PAX4: variants seen among roughly 807,000 people sequenced by gnomAD.
PAX4 encodes paired box protein Pax-4.
A neutral mutation model predicts 40.6 loss-of-function variants in PAX4; 33 were observed. The ratio of observed to expected loss-of-function variants is 0.81; its 90% CI spans 0.62 to 1.09. PAX4 has a LOEUF of 1.09. Ranked by LOEUF, PAX4 falls within the 50% of genes least tolerant of loss-of-function variation. The pLI is 0.00. For synonymous variants in PAX4, 174 were observed against 170.6 expected, an observed-to-expected ratio of 1.02 and a Z score of -0.16; for missense variants, 459 against 442.5, an observed-to-expected ratio of 1.04 and a Z score of -0.33.
At chr7:127,614,617 G>A in intron 5 of PAX4, 60 bp from the exon 6 acceptor site, 2 of 1,405,512 alleles carry the variant, frequency 1.4e-6, no homozygotes, top group South Asian at 1.2e-5. Context: ...TATACCCTGA[G>A]GATGTTGCCC....
At chr7:127,615,624 C>A in intron 3 of PAX4, 93 bp from the exon 4 acceptor site, 1 of 1,603,348 alleles carries the variant, frequency 6.2e-7, no homozygotes, top group Non-Finnish European at 8.5e-7. Flanking sequence ...GCCTGGCTTC[C>A]CACCACCGAG....
chr7:127,615,272 A>C (rs555836943), intron 4 of PAX4, 129 bp downstream of exon 4: 1 of 1,601,906 alleles, frequency 6.2e-7, no homozygotes, highest in African/African-American at 1.3e-5. Context: ...CTCCGAGAGG[A>C]TCTCCCAGGA....
chr7:127,611,094 A>T lies in PAX4; in HGVS notation c.1026T>A (p.Pro342=). 6.2e-7 allele frequency: 1 copy of T among 1,607,470 alleles called. No homozygotes were observed. Among genetic ancestry groups the T allele is most frequent in the Non-Finnish European group, 8.5e-7 (1 of 1,176,412 alleles). ...SLSGSQALLW[P]GCPLLYGLE ...CCAAGCCATACAGTAGTGGGCAGCC[A>T]GGCCAGAGCAGGGCCTGAGAGCCAC... The change falls in exon 12 of 12, where the codon CCT becomes CCA. Residue 342 remains proline, a synonymous_variant. Transcript: ENST00000639438.
Position 127,615,007 on chromosome 7 carries a change from C to T in PAX4, c.233G>A (p.Arg78Gln), listed in dbSNP as rs561603997. ...EPKGIGGSKP[R>Q]LATPPVVARI... The stretch of plus-strand genomic sequence containing the variant: ...AGCCACCACAGGGGGTGTAGCCAGC[C>T]GTGGCTTGCTTCCCCCAATGCCCTT... Residue 78 changes from arginine (R) to glutamine (Q), a missense_variant, in exon 5 of 12, where the codon CGG becomes CAG. Arg to Gln is a conservative substitution (Grantham distance 43, BLOSUM62 1). Coordinates refer to ENST00000639438, the MANE Select transcript of PAX4 (RefSeq NM_001366110.1). 3.2e-5 allele frequency: 51 copies of T among 1,614,176 alleles called. No individual in the cohort carries two copies. The highest frequency in any genetic ancestry group is 3.1e-4 in the South Asian group (28 of 91,080).
At chr7:127,612,192 G>C (rs1208968593) in intron 9 of PAX4, among the ~76,000 whole-genome samples, 192 bp from the exon 10 acceptor site, 1 of 152,222 alleles carries the variant, frequency 6.6e-6, no homozygotes, top group Non-Finnish European at 1.5e-5. Context: ...GGAAACTGGA[G>C]AAGAATGATT....
chr7:127,612,966 T>C (rs902045955), intron 9 of PAX4, 56 bp downstream of exon 9: 148 of 1,289,886 alleles, frequency 1.1e-4, no homozygotes, highest in Admixed American at 1.0e-3. Flanking sequence ...GATGGATGGA[T>C]GGATGGATGG....
Position 127,610,937 on chromosome 7 carries a change from A to G in PAX4, c.*127T>C, listed in dbSNP as rs1199230912. The G allele has an allele frequency of 6.5e-7, 1 of 1,549,458 alleles. No individual in the cohort carries two copies. Among genetic ancestry groups the G allele is most frequent in the Non-Finnish European group, 8.7e-7 (1 of 1,147,022 alleles). On this transcript the variant is annotated 3_prime_UTR_variant, in exon 12 of 12. Coordinates refer to ENST00000639438, the MANE Select transcript of PAX4 (RefSeq NM_001366110.1). ...AGAGGCATCGAGGCAGGGCCAGGCA[A>G]CGTCCACACAGGAGGGAGCAATCAC...
chr7:127,614,477 C>A lies in PAX4; in HGVS notation c.436+5G>T. 1 of 1,590,044 alleles carries A rather than the reference C, an allele frequency of 6.3e-7. No individual in the cohort carries two copies. Among genetic ancestry groups the A allele is most frequent in the Admixed American group, 1.8e-5 (1 of 56,916 alleles). ...ATTAGCCCTGGGGACAACTCCAAGA[C>A]CCACCTGGTGACCTGAGCCGTGTGC... On this transcript the variant is annotated splice_donor_5th_base_variant and intron_variant, in intron 6 of 11. Transcript: ENST00000639438.
chr7:127,615,137 C>A, intron 4 of PAX4, 42 bp from the exon 5 acceptor site: 1 of 1,613,808 alleles, frequency 6.2e-7, no homozygotes, highest in Non-Finnish European at 8.5e-7. Flanking sequence ...GCATGATGGG[C>A]AGAAGGAAGG....
intron 7 of PAX4, 30 bp from the exon 8 acceptor site, chr7:127,613,562 G>A: frequency 6.2e-7 from 1 of 1,611,370 alleles, no homozygotes; most frequent in Non-Finnish European, 8.5e-7. Flanking sequence ...CAAAGTAAGG[G>A]CACCGGGAGA....
At position 127,615,009 on chromosome 7, in the gene PAX4, T is replaced by C. The variant is rs1794701299; in HGVS notation, c.231A>G (p.Pro77=). 1.2e-6 allele frequency: 2 copies of C among 1,614,166 alleles called. No individual in the cohort carries two copies. The highest frequency in any genetic ancestry group is 3.3e-5 in the Admixed American group (2 of 60,020). ...LEPKGIGGSK[P]RLATPPVVAR... ...CCACCACAGGGGGTGTAGCCAGCCGTGGCTTGCTTCCCCCAATGCCCTTTG... is the reference window on the plus strand; with the variant it reads ...CCACCACAGGGGGTGTAGCCAGCCGCGGCTTGCTTCCCCCAATGCCCTTTG... Residue 77 remains proline (P), a synonymous_variant, in exon 5 of 12, where the codon CCA becomes CCG. Coordinates refer to ENST00000639438, the MANE Select transcript of PAX4 (RefSeq NM_001366110.1).
chr7:127,612,986 T>A, intron 9 of PAX4, 36 bp downstream of exon 9: 1 of 1,519,338 alleles, frequency 6.6e-7, no homozygotes, highest in East Asian at 2.3e-5. Flanking sequence ...GATAGATGAC[T>A]GAGCGGGCAG....
intron 1 of PAX4, among the ~76,000 whole-genome samples, chr7:127,617,677 G>A (rs1003694272): frequency 7.9e-5 from 12 of 152,198 alleles, no homozygotes; most frequent in African/African-American, 2.9e-4. Flanking sequence ...TAGGGATGCA[G>A]GTTCAGTATC....
chr7:127,610,793 A>G lies in PAX4; in HGVS notation c.*271T>C, dbSNP rs1025320760. Reference sequence around the variant, plus strand: ...TGCTCATAGGGAAAACATGATGGACAACAGAACTACTGCTAATAAAAACAG... The same window carrying G: ...TGCTCATAGGGAAAACATGATGGACGACAGAACTACTGCTAATAAAAACAG... On this transcript the variant is annotated 3_prime_UTR_variant, in exon 12 of 12. Transcript: ENST00000639438. 7.6e-7 allele frequency: 1 copy of G among 1,322,042 alleles called. No individual in the cohort carries two copies. Among genetic ancestry groups the G allele is most frequent in the Non-Finnish European group, 1.1e-6 (1 of 952,288 alleles). The allele number at this position is 1,322,042 out of a possible 1,614,324, so 81.9% of individuals were successfully genotyped here.
intron 9 of PAX4, among the ~76,000 whole-genome samples, chr7:127,612,574 G>C (rs1344625053): frequency 1.3e-5 from 2 of 151,608 alleles, no homozygotes; most frequent in Non-Finnish European, 2.9e-5. Context: ...TGGATGGATG[G>C]ATAGATGGGT....
intron 10 of PAX4, 77 bp from the exon 11 acceptor site, chr7:127,611,753 C>T (rs1794629500): frequency 1.2e-6 from 2 of 1,602,046 alleles, no homozygotes; most frequent in Admixed American, 3.3e-5. Context: ...CCCAGAGCTG[C>T]CTGCCACCCA....
chr7:127,614,127 A>T (rs115941984), intron 6 of PAX4, among the ~76,000 whole-genome samples: 3 of 152,036 alleles, frequency 2.0e-5, no homozygotes, highest in Non-Finnish European at 2.9e-5. Flanking sequence ...GGCTTGGTCC[A>T]GGGGTGTGTT....
In PAX4 at chr7:127,610,571, G is replaced by GCA. The variant is rs1491352912; in HGVS notation, c.*492_*493insTG. On this transcript the variant is annotated 3_prime_UTR_variant, in exon 12 of 12. Coordinates refer to ENST00000639438, the MANE Select transcript of PAX4 (RefSeq NM_001366110.1). ...AGTGTGTGTGTGTGTGTGTGTGTGTGCGCGCACGCATGCACGCATACATAA... is the reference window on the plus strand; with the variant it reads ...AGTGTGTGTGTGTGTGTGTGTGTGTGCACGCGCACGCATGCACGCATACATAA... The GCA allele has an allele frequency of 1.2e-4, 31 of 269,052 alleles. No individual in the cohort carries two copies. Among genetic ancestry groups the GCA allele is most frequent in the Non-Finnish European group, 1.5e-4 (24 of 155,276 alleles). The allele number at this position is 269,052 out of a possible 1,614,324, so 16.7% of individuals were successfully genotyped here.
Position 127,612,511 on chromosome 7 carries a change from A to G in PAX4, c.715+511T>C, listed in dbSNP as rs1794647255. Among the ~76,000 whole-genome samples, 2 of 147,364 alleles carry G rather than the reference A, an allele frequency of 1.4e-5. 1 individual carries two copies. Among genetic ancestry groups the G allele is most frequent in the Admixed American group, 1.4e-4 (2 of 14,788 alleles). Reference sequence around the variant, plus strand: ...GATGGATGGATGGATGGATGGATGGATAAATGGATAGGTAGATAGGTGGGT... The same window carrying G: ...GATGGATGGATGGATGGATGGATGGGTAAATGGATAGGTAGATAGGTGGGT... On this transcript the variant is annotated intron_variant, in intron 9 of 11. Coordinates refer to ENST00000639438, the MANE Select transcript of PAX4 (RefSeq NM_001366110.1).
Sources: allele counts gnomAD v4.1 joint callset (sites outside exome capture counted in the v4.1 genomes callset), GRCh38; gene constraint gnomAD v4.1.1; transcripts MANE v1.5; gene names NCBI Gene and HGNC (gene_info 2026-07-23, HGNC 2026-07-21).